Variants in ENPP6 observed in about 807,000 individuals in gnomAD.
ENPP6 encodes the protein ectonucleotide pyrophosphatase/phosphodiesterase 6.
Under a neutral mutation model 42.0 loss-of-function variants are expected in ENPP6, and 32 were observed. That is an observed-to-expected ratio of 0.76 (90% CI 0.58 to 1.02). ENPP6 has a LOEUF of 1.02. Among genes scored for constraint, ENPP6 ranks in the 50% least tolerant of loss-of-function variants. The probability of loss-of-function intolerance (pLI) is 0.00; values close to 1 mark genes in which losing one functional copy is unlikely to be tolerated. For missense variants in ENPP6, 552 were observed against 566.8 expected, an observed-to-expected ratio of 0.97 and a Z score of 0.27; for synonymous variants, 213 against 216.0, an observed-to-expected ratio of 0.99 and a Z score of 0.12.
intron 7 of ENPP6, among the ~76,000 whole-genome samples, chr4:184,095,460 G>A (rs1401526721): frequency 1.3e-5 from 2 of 151,964 alleles, no homozygotes; most frequent in African/African-American, 4.8e-5. Flanking sequence ...AGGAGTTTGA[G>A]ACCAGCCTGG....
intron 2 of ENPP6, among the ~76,000 whole-genome samples, chr4:184,151,599 T>C (rs983218881): frequency 1.2e-4 from 18 of 152,310 alleles, no homozygotes; most frequent in African/African-American, 3.6e-4. Flanking sequence ...AACTATCCAG[T>C]TATCATGGAA....
At chr4:184,195,325 A>G (rs528039314) in intron 1 of ENPP6, among the ~76,000 whole-genome samples, 3 of 151,974 alleles carry the variant, frequency 2.0e-5, no homozygotes, top group African/African-American at 7.2e-5. Context: ...GTTTCCCTCT[A>G]TGTGTCCATG....
At chr4:184,165,791 G>T (rs7674866) in intron 1 of ENPP6, among the ~76,000 whole-genome samples, 54,850 of 152,012 alleles carry the variant, frequency 0.36, 10,274 homozygotes, top group East Asian at 0.53. Context: ...TTTAGAGACT[G>T]AACGTACACA....
chr4:184,097,778 T>G (rs975586309), intron 6 of ENPP6, among the ~76,000 whole-genome samples: 6 of 152,200 alleles, frequency 3.9e-5, no homozygotes, highest in African/African-American at 1.4e-4. Context: ...TGTCTTTCGC[T>G]TTTCATTCAT....
chr4:184,130,333 T>C (rs1316787734), intron 2 of ENPP6, among the ~76,000 whole-genome samples: 12 of 150,268 alleles, frequency 8.0e-5, no homozygotes, highest in Non-Finnish European at 1.5e-4. Context: ...CCGAGGTGGG[T>C]GGATCACGAG....
intron 1 of ENPP6, among the ~76,000 whole-genome samples, chr4:184,174,938 C>G (rs1188231694): frequency 6.6e-6 from 1 of 152,224 alleles, no homozygotes; most frequent in Admixed American, 6.5e-5. Flanking sequence ...CACTCTGCAA[C>G]AGCTTTGAAG....
At chr4:184,124,864 T>C (rs887170706) in intron 2 of ENPP6, among the ~76,000 whole-genome samples, 1 of 152,178 alleles carries the variant, frequency 6.6e-6, no homozygotes, top group Admixed American at 6.5e-5. Context: ...ATCAAACTCA[T>C]TCCGATGTGA....
chr4:184,117,038 G>C lies in ENPP6; in HGVS notation c.676-3C>G, dbSNP rs527544390. ...AGGCGGTCCTGCAGGCCCCGCTCCT[G>C]TGGGGTGGGAAAAGACAGTCATTAC... On this transcript the variant is annotated splice_region_variant and splice_polypyrimidine_tract_variant and intron_variant, in intron 4 of 7. Transcript: ENST00000296741. 6.2e-7 allele frequency: 1 copy of C among 1,614,070 alleles called. No individual in the cohort carries two copies. The highest frequency in any genetic ancestry group is 8.5e-7 in the Non-Finnish European group (1 of 1,180,036).
intron 1 of ENPP6, among the ~76,000 whole-genome samples, chr4:184,161,390 TG>T (rs1333681806): frequency 6.6e-6 from 1 of 152,026 alleles, no homozygotes; most frequent in Non-Finnish European, 1.5e-5. Context: ...TAATAGATAT[TG>T]GCATGGAAGT....
At chr4:184,185,803 C>T (rs560701902) in intron 1 of ENPP6, among the ~76,000 whole-genome samples, 91 of 152,320 alleles carry the variant, frequency 6.0e-4, no homozygotes, top group Admixed American at 1.4e-3. Context: ...GGCAACCAAA[C>T]GTACTGCTTG....
chr4:184,181,706 C>T (rs1732555556), intron 1 of ENPP6, among the ~76,000 whole-genome samples: 1 of 152,118 alleles, frequency 6.6e-6, no homozygotes, highest in South Asian at 2.1e-4. Flanking sequence ...AATGAGACTG[C>T]ACATTTACAA....
chr4:184,152,515 C>T (rs927559600), intron 2 of ENPP6, among the ~76,000 whole-genome samples: 3 of 152,168 alleles, frequency 2.0e-5, no homozygotes, highest in Non-Finnish European at 4.4e-5. Flanking sequence ...ATGCCTTCAA[C>T]GTTCTAGGCC....
In ENPP6 at chr4:184,154,837, A is replaced by T. The variant is rs184018450; in HGVS notation, c.242-1104T>A. 2.1e-3 allele frequency among the ~76,000 whole-genome samples: 319 copies of T among 152,362 alleles called. 1 individual carries two copies. Among genetic ancestry groups the T allele is most frequent in the African/African-American group, 7.3e-3 (304 of 41,578 alleles). On this transcript the variant is annotated intron_variant, in intron 1 of 7. Coordinates refer to ENST00000296741, the MANE Select transcript of ENPP6 (RefSeq NM_153343.4). ...TCACATTAAAAAGATTAATACAATT[A>T]AAAATAAAATAAAATTAAGATGTTG... is the stretch of plus-strand genomic sequence containing the variant.
In ENPP6 at chr4:184,116,898, C is replaced by G. The variant is rs770293057; in HGVS notation, c.813G>C (p.Gly271=). 6.2e-7 allele frequency: 1 copy of G among 1,614,150 alleles called. No homozygotes were observed. Among genetic ancestry groups the G allele is most frequent in the South Asian group, 1.1e-5 (1 of 91,078 alleles). ...LNDLQQVKDR[G]PVVSLWPAPG... The stretch of plus-strand genomic sequence containing the variant: ...GGGCCGGCCAAAGGCTCACAACAGG[C>G]CCGCGGTCCTTCACTTGCTGCAGGT... Residue 271 remains glycine, a synonymous_variant, in exon 5 of 8, where the codon GGG becomes GGC. Coordinates refer to ENST00000296741, the MANE Select transcript of ENPP6 (RefSeq NM_153343.4).
chr4:184,110,046 TA>T lies in ENPP6; in HGVS notation c.993+2625del, dbSNP rs151311987. Among the ~76,000 whole-genome samples, 46 of 152,018 alleles carry T rather than the reference TA, an allele frequency of 3.0e-4. No homozygotes were observed. The East Asian group carries it at 3.9e-3, about 13-fold the overall frequency. On this transcript the variant is annotated intron_variant, in intron 6 of 7. Transcript: ENST00000296741. Reference sequence around the variant, plus strand: ...ACAGCAGAGTACGGGACGGAAGGATTAGGGGGAGATGGAAGCAGAGCCAGGG... The same window carrying T: ...ACAGCAGAGTACGGGACGGAAGGATTGGGGGAGATGGAAGCAGAGCCAGGG...
At chr4:184,123,220 T>C (rs1436129033) in intron 3 of ENPP6, among the ~76,000 whole-genome samples, 1 of 151,886 alleles carries the variant, frequency 6.6e-6, no homozygotes, top group African/African-American at 2.4e-5. Flanking sequence ...AAGAAGAAAA[T>C]CTATGATTGG....
chr4:184,205,282 C>T (rs535347862), intron 1 of ENPP6, among the ~76,000 whole-genome samples: 61 of 152,232 alleles, frequency 4.0e-4, no homozygotes, highest in Non-Finnish European at 7.2e-4. Context: ...AATCTGGTGC[C>T]GTGATGGAAA....
intron 1 of ENPP6, among the ~76,000 whole-genome samples, chr4:184,186,668 T>C (rs1732638385): frequency 6.6e-6 from 1 of 152,100 alleles, no homozygotes; most frequent in African/African-American, 2.4e-5. Flanking sequence ...AGAGATGCCA[T>C]TGGGTCTGGC....
chr4:184,113,899 TTTTCTTTCTTTCTTTC>T (rs70959170), intron 5 of ENPP6, among the ~76,000 whole-genome samples: 1,054 of 103,688 alleles, frequency 0.01, 10 homozygotes, highest in South Asian at 0.012. Flanking sequence ...CCTTTCTTTC[TTTTCTTTCTTTCTTTC>T]TTTCTTTCTT....
Sources: gnomAD v4.1 joint callset for allele counts (sites outside exome capture counted in the v4.1 genomes callset) on GRCh38, gnomAD v4.1.1 for gene constraint, MANE v1.5 for transcripts, NCBI Gene and HGNC (gene_info 2026-07-23, HGNC 2026-07-21) for gene names.